TMEM221: variants seen among roughly 807,000 people sequenced by gnomAD.
TMEM221 encodes the protein transmembrane protein 221.
In TMEM221, 11 loss-of-function variants were observed where a neutral mutation model predicts 10.2. The ratio of observed to expected loss-of-function variants is 1.08; its 90% confidence interval spans 0.68 to 1.79. The LOEUF (loss-of-function observed/expected upper bound fraction) is 1.79, where lower values mean the gene tolerates loss of function less well. Among genes scored for constraint, TMEM221 ranks in the 40% most tolerant of loss-of-function variants. TMEM221 has a pLI of 0.00. For missense variants in TMEM221, 382 were observed against 417.7 expected (o/e 0.91, Z 0.75); for synonymous variants, 172 against 199.8 (o/e 0.86, Z 1.18).
chr19:17,448,149 G>A lies in TMEM221; in HGVS notation c.314C>T (p.Pro105Leu). The A allele has an allele frequency of 7.1e-7, 1 of 1,406,720 alleles. No individual in the cohort carries two copies. Among genetic ancestry groups the A allele is most frequent in the Non-Finnish European group, 9.2e-7 (1 of 1,084,734 alleles). 87.1% of individuals were successfully genotyped at this position (1,406,720 alleles called of 1,614,324 possible). ...GTGAGGCCAGTCCTCCTACCTCCTG[G>A]GGCCAGGCCCCCGCGCCAGCTCGGC... ...LGAELARGPG[P>L]RRSDWFLYDC... Residue 105 changes from proline to leucine, a missense_variant, in exon 1 of 3, where the codon CCC becomes CTC. Pro to Leu is a moderately conservative substitution (Grantham distance 98, BLOSUM62 -3). Transcript: ENST00000341130. This position sits in a 1 kb window ranked among gnomAD's most constrained non-coding sequence, Gnocchi z 4.7.
rs563257177 is a variant in TMEM221, at chr19:17,440,450, C to T, written c.407-3523G>A. ...CCTTGTTAGCCAGGATGGTCTCGAT[C>T]TCCTGACCTCGTGATCTGCCCGCCT... is the stretch of plus-strand genomic sequence containing the variant. On this transcript the variant is annotated intron_variant, in intron 2 of 2. Transcript: ENST00000341130. 2.0e-3 allele frequency among the ~76,000 whole-genome samples: 311 copies of T among 152,224 alleles called. 1 individual carries two copies. Among genetic ancestry groups the T allele is most frequent in the African/African-American group, 7.1e-3 (293 of 41,548 alleles).
intron 2 of TMEM221, 63 bp downstream of exon 2, chr19:17,445,136 G>T: frequency 7.1e-7 from 1 of 1,408,096 alleles, no homozygotes; most frequent in South Asian, 1.2e-5. Flanking sequence ...CCCAGTTAGG[G>T]GACCATTGCT....
rs78776682 is a variant in TMEM221, at chr19:17,446,244, C to T, written c.321-960G>A. Among the ~76,000 whole-genome samples, 764 of 152,296 alleles carry T rather than the reference C, an allele frequency of 5.0e-3. 12 individuals are homozygous for T. The highest frequency in any genetic ancestry group is 0.018 in the African/African-American group (743 of 41,564). ...TTCATCCTTCCTTACTTCGATCCAT[C>T]CACCATCCATTCTCTTTCCCCTATA... On this transcript the variant is annotated intron_variant, in intron 1 of 2. Coordinates refer to ENST00000341130, the MANE Select transcript of TMEM221 (RefSeq NM_001190844.2).
chr19:17,436,605 C>T lies in TMEM221; in HGVS notation c.729G>A (p.Glu243=), dbSNP rs1434471089. ...MATATAPAAL[E]GGWESSLPAS... is the part of the protein sequence containing the mutation. ...CAGGCAGGCTGCTCTCCCAGCCTCC[C>T]TCCAGGGCTGCAGGTGCTGTGGCAG... The change falls in exon 3 of 3, where the codon GAG becomes GAA. Residue 243 remains glutamate, a synonymous_variant. Coordinates refer to ENST00000341130, the MANE Select transcript of TMEM221 (RefSeq NM_001190844.2). 1 of 1,536,020 alleles carries T rather than the reference C, an allele frequency of 6.5e-7. No individual in the cohort carries two copies. The highest frequency in any genetic ancestry group is 2.0e-5 in the Admixed American group (1 of 50,972).
chr19:17,435,825 G>A lies in TMEM221; in HGVS notation c.*633C>T, dbSNP rs1869842197. On this transcript the variant is annotated 3_prime_UTR_variant, in exon 3 of 3. Coordinates refer to ENST00000341130, the MANE Select transcript of TMEM221 (RefSeq NM_001190844.2). The stretch of plus-strand genomic sequence containing the variant: ...CCAGGAACCTGGGTCCAGCTCTCCA[G>A]CCGTGCCCCTGGCCCTGGGCTGCTC... 6.6e-6 allele frequency: 1 copy of A among 152,536 alleles called. No individual in the cohort carries two copies. Among genetic ancestry groups the A allele is most frequent in the African/African-American group, 2.4e-5 (1 of 41,476 alleles). The allele number at this position is 152,536 out of a possible 1,614,324, so 9.4% of individuals were successfully genotyped here.
chr19:17,446,995 G>C (rs572299833), intron 1 of TMEM221, among the ~76,000 whole-genome samples: 1 of 151,982 alleles, frequency 6.6e-6, no homozygotes, highest in South Asian at 2.1e-4. Context: ...GCCAAGGTGG[G>C]TGGGTCATTT....
intron 1 of TMEM221, among the ~76,000 whole-genome samples, chr19:17,446,423 G>T (rs1599620892): frequency 6.6e-6 from 1 of 152,130 alleles, no homozygotes; most frequent in Non-Finnish European, 1.5e-5. Context: ...TGTTATTGAT[G>T]ATACAAACCG....
intron 2 of TMEM221, 154 bp downstream of exon 2, chr19:17,445,045 G>C (rs1599620357): frequency 3.2e-6 from 2 of 615,626 alleles, no homozygotes; most frequent in Non-Finnish European, 5.7e-6. Flanking sequence ...TCAAGGCACA[G>C]AGAGACTTTG....
At chr19:17,439,612 T>TG (rs1426937604) in intron 2 of TMEM221, among the ~76,000 whole-genome samples, 1 of 151,198 alleles carries the variant, frequency 6.6e-6, no homozygotes, top group Non-Finnish European at 1.5e-5. Flanking sequence ...CGCTTGAATC[T>TG]GGGAGGTGGA....
chr19:17,436,894 A>G lies in TMEM221; in HGVS notation c.440T>C (p.Ile147Thr). The G allele has an allele frequency of 2.1e-6, 3 of 1,433,116 alleles. No individual in the cohort carries two copies. Among genetic ancestry groups the G allele is most frequent in the Non-Finnish European group, 2.7e-6 (3 of 1,096,018 alleles). The allele number at this position is 1,433,116 out of a possible 1,614,324, so 88.8% of individuals were successfully genotyped here. ...GGAAGCAGCTGCTGCGCCTGTCTCG[A>G]TCTCGAAAAGTAGCAAGGCATAGAT... ...LSIYALLLFE[I>T]ETGAAAASIL... The change falls in exon 3 of 3, where the codon ATC (isoleucine) becomes ACC (threonine). Residue 147 changes from isoleucine (I) to threonine (T), a missense_variant. Ile to Thr is a moderately conservative substitution (Grantham distance 89). Coordinates refer to ENST00000341130, the MANE Select transcript of TMEM221 (RefSeq NM_001190844.2).
intron 2 of TMEM221, chr19:17,444,864 C>CA (rs1425007619): frequency 7.2e-6 from 1 of 138,516 alleles, no homozygotes; most frequent in African/African-American, 2.7e-5. Context: ...AGGCTGGTCT[C>CA]AAACTCCTGG....
chr19:17,446,486 C>A (rs552555866), intron 1 of TMEM221, among the ~76,000 whole-genome samples: 1 of 152,228 alleles, frequency 6.6e-6, no homozygotes, highest in Non-Finnish European at 1.5e-5. Flanking sequence ...ATAAGAGCTT[C>A]CATCCTCACT....
In TMEM221 at chr19:17,448,157, C is replaced by G; in HGVS notation, c.306G>C (p.Gly102=). The change falls in exon 1 of 3, where the codon GGG becomes GGC. Residue 102 remains glycine, a synonymous_variant. Coordinates refer to ENST00000341130, the MANE Select transcript of TMEM221 (RefSeq NM_001190844.2). This position sits in a 1 kb window ranked among gnomAD's most constrained non-coding sequence, Gnocchi z 4.7. ...CGHLGAELAR[G]PGPRRSDWFL... is the part of the protein sequence containing the mutation. ...AGTCCTCCTACCTCCTGGGGCCAGG[C>G]CCCCGCGCCAGCTCGGCGCCCAGGT... is the stretch of plus-strand genomic sequence containing the variant. 7.0e-7 allele frequency: 1 copy of G among 1,419,916 alleles called. No homozygotes were observed. Among genetic ancestry groups the G allele is most frequent in the Non-Finnish European group, 9.2e-7 (1 of 1,089,740 alleles). The allele number at this position is 1,419,916 out of a possible 1,614,324, so 88.0% of individuals were successfully genotyped here.
Position 17,448,655 on chromosome 19 carries a change from G to A in TMEM221, c.-193C>T. ...GGCTCCGGGGTGCTGGTCGCAGCCG[G>A]GACGCCGAATCTCCGCGAAAACTTG... On this transcript the variant is annotated 5_prime_UTR_variant, in exon 1 of 3. Transcript: ENST00000341130. The surrounding 1 kb of genome is among the most constrained non-coding windows in gnomAD (Gnocchi z 4.7). The A allele has an allele frequency of 2.6e-6, 1 of 383,876 alleles. No individual in the cohort carries two copies. Among genetic ancestry groups the A allele is most frequent in the Non-Finnish European group, 4.6e-6 (1 of 216,802 alleles). 23.8% of individuals were successfully genotyped at this position (383,876 alleles called of 1,614,324 possible). A position where few individuals can be genotyped will look rare whatever the true frequency, so the allele number is the denominator to read the frequency against.
intron 2 of TMEM221, among the ~76,000 whole-genome samples, chr19:17,437,592 G>A (rs1022446326): frequency 5.3e-5 from 8 of 152,160 alleles, no homozygotes; most frequent in South Asian, 2.1e-4. Flanking sequence ...GCTGGGCATC[G>A]TGGCGGGCGC....
chr19:17,448,668 C>A lies in TMEM221; in HGVS notation c.-206G>T. 1 of 370,340 alleles carries A rather than the reference C, an allele frequency of 2.7e-6. No individual in the cohort carries two copies. The highest frequency in any genetic ancestry group is 4.8e-5 in the Admixed American group (1 of 21,030). The allele number at this position is 370,340 out of a possible 1,614,324, so 22.9% of individuals were successfully genotyped here. A position where few individuals can be genotyped will look rare whatever the true frequency, so the allele number is the denominator to read the frequency against. ...TGGTCGCAGCCGGGACGCCGAATCT[C>A]CGCGAAAACTTGGGACAAAGTCTTT... is the stretch of plus-strand genomic sequence containing the variant. On this transcript the variant is annotated 5_prime_UTR_variant, in exon 1 of 3. Coordinates refer to ENST00000341130, the MANE Select transcript of TMEM221 (RefSeq NM_001190844.2). The surrounding 1 kb of genome is among the most constrained non-coding windows in gnomAD (Gnocchi z 4.7).
chr19:17,436,948 CATTT>C, intron 2 of TMEM221, 21 bp from the exon 3 acceptor site: 2 of 1,383,796 alleles, frequency 1.4e-6, no homozygotes, highest in Non-Finnish European at 1.9e-6. Context: ...AAACGACTCT[CATTT>C]ATTCAGTCAA....
chr19:17,442,297 G>A (rs938455476), intron 2 of TMEM221, among the ~76,000 whole-genome samples: 2 of 151,840 alleles, frequency 1.3e-5, no homozygotes, highest in African/African-American at 4.8e-5. Context: ...GTCTCACTCT[G>A]TCACCCAGGC....
chr19:17,446,829 T>G (rs1294222264), intron 1 of TMEM221, among the ~76,000 whole-genome samples: 2 of 152,080 alleles, frequency 1.3e-5, no homozygotes, highest in East Asian at 3.8e-4. Flanking sequence ...CCTCCTGGGC[T>G]CAAGGGATCC....
Sources: gnomAD v4.1 joint callset for allele counts (sites outside exome capture counted in the v4.1 genomes callset) on GRCh38, gnomAD v4.1.1 for gene constraint, Gnocchi (gnomAD v3.1) non-coding constraint, MANE v1.5 for transcripts, NCBI Gene and HGNC (gene_info 2026-07-23, HGNC 2026-07-21) for gene names.